CHD9: variants seen among roughly 807,000 people sequenced by gnomAD.
CHD9 encodes the protein chromodomain helicase DNA binding protein 9, also known as ATP-dependent chromatin remodeler CHD9.
CHD9 carries 77 observed loss-of-function variants against 316.1 expected under a neutral mutation model. The ratio of observed to expected loss-of-function variants is 0.24; its 90% CI spans 0.20 to 0.29. CHD9 has a LOEUF of 0.29. CHD9 is among the 10% of genes least tolerant of loss of function. The probability of loss-of-function intolerance (pLI) is 1.00; values close to 1 mark genes in which losing one functional copy is unlikely to be tolerated. For synonymous variants in CHD9, 1,129 were observed against 1,158.3 expected, an observed-to-expected ratio of 0.97 and a Z score of 0.51; for missense variants, 2,763 against 3,438.1, an observed-to-expected ratio of 0.80 and a Z score of 4.91.
intron 1 of CHD9, among the ~76,000 whole-genome samples, chr16:53,117,426 ATT>A (rs570838401): frequency 8.3e-5 from 12 of 144,806 alleles, no homozygotes; most frequent in South Asian, 4.4e-4. Context: ...ATATATATAT[ATT>A]TTTGGAAACA....
chr16:53,149,730 A>G (rs930604065), intron 1 of CHD9, among the ~76,000 whole-genome samples: 6 of 150,894 alleles, frequency 4.0e-5, no homozygotes, highest in African/African-American at 1.5e-4. Flanking sequence ...AAATATATAT[A>G]TATATATTTT....
Position 53,307,866 on chromosome 16 carries a change from T to A in CHD9, c.6966T>A (p.Gly2322=). 6.2e-7 allele frequency: 1 copy of A among 1,613,784 alleles called. No homozygotes were observed. ...DPSVPTPPGA[G]VKEEHDQSTQ... Reference sequence around the variant, plus strand: ...GTGTACCCACTCCCCCAGGTGCCGGTGTTAAAGAAGAACATGATCAGTCAA... The same window carrying A: ...GTGTACCCACTCCCCCAGGTGCCGGAGTTAAAGAAGAACATGATCAGTCAA... The change falls in exon 33 of 39, where the codon GGT becomes GGA. Residue 2322 remains glycine, a synonymous_variant. Coordinates refer to ENST00000447540, the MANE Select transcript of CHD9 (RefSeq NM_001308319.2).
chr16:53,295,111 G>A (rs2054659777), intron 29 of CHD9, among the ~76,000 whole-genome samples: 1 of 151,964 alleles, frequency 6.6e-6, no homozygotes, highest in Admixed American at 6.6e-5. Context: ...CTCAGCATAT[G>A]GCCTATTTCC....
chr16:53,152,717 G>C (rs1187664447), intron 1 of CHD9, among the ~76,000 whole-genome samples: 3 of 152,192 alleles, frequency 2.0e-5, no homozygotes, highest in Admixed American at 6.6e-5. Flanking sequence ...CCAATCAAGT[G>C]TCCAAGATGA....
At chr16:53,253,914 T>A (rs2050339395) in intron 17 of CHD9, among the ~76,000 whole-genome samples, 1 of 152,220 alleles carries the variant, frequency 6.6e-6, no homozygotes. Context: ...CAGTGGCTCA[T>A]GCCTGTAATC....
chr16:53,119,210 AC>A (rs2038554959), intron 1 of CHD9, among the ~76,000 whole-genome samples: 1 of 152,096 alleles, frequency 6.6e-6, no homozygotes, highest in African/African-American at 2.4e-5. Context: ...ATATGTCCAA[AC>A]TCAGCAAGTT....
chr16:53,275,012 AG>A (rs2052668338), intron 24 of CHD9, among the ~76,000 whole-genome samples: 1 of 152,006 alleles, frequency 6.6e-6, no homozygotes, highest in African/African-American at 2.4e-5. Context: ...AAGCAGACAC[AG>A]ATTTTTTATT....
chr16:53,276,903 A>G (rs923342253), intron 24 of CHD9, among the ~76,000 whole-genome samples: 1 of 152,182 alleles, frequency 6.6e-6, no homozygotes, highest in Non-Finnish European at 1.5e-5. Context: ...AATCAGCTCA[A>G]GTAGAAATAA....
intron 10 of CHD9, among the ~76,000 whole-genome samples, chr16:53,232,634 G>T (rs2048279163): frequency 6.6e-6 from 1 of 152,096 alleles, no homozygotes; most frequent in African/African-American, 2.4e-5. Flanking sequence ...TTCTGTAAAT[G>T]AAATTTTTCC....
At chr16:53,072,679 A>G (rs1184696556) in intron 1 of CHD9, among the ~76,000 whole-genome samples, 1 of 151,582 alleles carries the variant, frequency 6.6e-6, no homozygotes, top group East Asian at 1.9e-4. Context: ...CCCAGCCTAT[A>G]ACTTTTTATT....
At chr16:53,230,774 GAA>G (rs2048100020) in intron 8 of CHD9, among the ~76,000 whole-genome samples, 1 of 79,324 alleles carries the variant, frequency 1.3e-5, no homozygotes, top group Non-Finnish European at 2.9e-5. Context: ...AAGTGAGGAT[GAA>G]GAAGGAGGAA....
rs201143410 is a variant in CHD9 at position 53,304,662 on chromosome 16, ACTTTT to A, written c.6619+68_6619+72del. The A allele has an allele frequency of 2.7e-3, 3,438 of 1,265,850 alleles. 9 individuals carry two copies. Among genetic ancestry groups the A allele is most frequent in the Admixed American group, 3.2e-3 (108 of 33,638 alleles). The allele number at this position is 1,265,850 out of a possible 1,614,324, so 78.4% of individuals were successfully genotyped here. A position where few individuals can be genotyped will look rare whatever the true frequency, so the allele number is the denominator to read the frequency against. Reference sequence around the variant, plus strand: ...AAAATAATTCTACTTTTTTAACATAACTTTTCTTTTCTTTTCTTTTCTTTTCTTTT... The same window carrying A: ...AAAATAATTCTACTTTTTTAACATAACTTTTCTTTTCTTTTCTTTTCTTTT... On this transcript the variant is annotated intron_variant, in intron 31 of 38. Transcript: ENST00000447540.
chr16:53,064,207 T>G (rs1232725412), intron 1 of CHD9, among the ~76,000 whole-genome samples: 1 of 152,180 alleles, frequency 6.6e-6, no homozygotes, highest in Non-Finnish European at 1.5e-5. Flanking sequence ...CTTCAGATAT[T>G]TGATGACAGA....
chr16:53,082,139 G>A (rs2035074322), intron 1 of CHD9, among the ~76,000 whole-genome samples: 2 of 152,188 alleles, frequency 1.3e-5, no homozygotes, highest in South Asian at 2.1e-4. Flanking sequence ...CTATTTTCCA[G>A]TGTCTGGTAA....
chr16:53,208,868 T>A (rs1597438973), intron 2 of CHD9, among the ~76,000 whole-genome samples: 1 of 152,180 alleles, frequency 6.6e-6, no homozygotes, highest in East Asian at 1.9e-4. Flanking sequence ...CCCAAATTGC[T>A]TGAGCAAAAT....
chr16:53,194,945 G>A (rs541522987), intron 2 of CHD9, among the ~76,000 whole-genome samples: 3 of 152,154 alleles, frequency 2.0e-5, no homozygotes, highest in Non-Finnish European at 4.4e-5. Context: ...AGACATTATT[G>A]CATTAAGAGA....
intron 3 of CHD9, among the ~76,000 whole-genome samples, chr16:53,213,808 T>C (rs2046519659): frequency 6.6e-6 from 1 of 152,200 alleles, no homozygotes; most frequent in Non-Finnish European, 1.5e-5. Context: ...ATTTTCTGGC[T>C]GACATAAGTA....
intron 3 of CHD9, among the ~76,000 whole-genome samples, chr16:53,215,526 C>T (rs2046683132): frequency 6.6e-6 from 1 of 151,912 alleles, no homozygotes; most frequent in South Asian, 2.1e-4. Flanking sequence ...TTTCACTGAG[C>T]GTGTGTATGT....
chr16:53,176,534 C>G (rs1454204038), intron 2 of CHD9, among the ~76,000 whole-genome samples: 2 of 152,170 alleles, frequency 1.3e-5, no homozygotes, highest in Non-Finnish European at 2.9e-5. Flanking sequence ...CTGCCAACAA[C>G]AAGCCATAAA....
Sources: allele counts gnomAD v4.1 joint callset (sites outside exome capture counted in the v4.1 genomes callset), GRCh38; gene constraint gnomAD v4.1.1; transcripts MANE v1.5; gene names NCBI Gene and HGNC (gene_info 2026-07-23, HGNC 2026-07-21).